Variants in ST6GALNAC3 observed in about 807,000 individuals in gnomAD.
ST6GALNAC3 encodes the protein alpha-N-acetylgalactosaminide alpha-2,6-sialyltransferase 3.
In ST6GALNAC3, 25 loss-of-function variants were observed where a neutral mutation model predicts 32.7. The observed-to-expected ratio is 0.76, with a 90% CI of 0.56 to 1.07. The LOEUF is 1.07. ST6GALNAC3 is among the 50% of genes least tolerant of loss of function. ST6GALNAC3 has a pLI of 0.00. For synonymous variants in ST6GALNAC3, 129 were observed against 133.1 expected (o/e 0.97, Z 0.21); for missense variants, 355 against 382.4 (o/e 0.93, Z 0.60).
intron 1 of ST6GALNAC3, among the ~76,000 whole-genome samples, chr1:76,088,539 C>T (rs1011735046): frequency 1.3e-5 from 2 of 152,102 alleles, no homozygotes; most frequent in African/African-American, 4.8e-5. Flanking sequence ...GGTGTTGAGC[C>T]TAAGTCCATC....
chr1:76,525,791 G>GTGTGTA (rs1438917629), intron 3 of ST6GALNAC3, among the ~76,000 whole-genome samples: 51 of 75,570 alleles, frequency 6.7e-4, no homozygotes, highest in East Asian at 3.4e-3. Context: ...GTGTGTGTGT[G>GTGTGTA]TATATATATA....
chr1:76,443,760 A>G (rs1429887776), intron 3 of ST6GALNAC3, among the ~76,000 whole-genome samples: 3 of 152,232 alleles, frequency 2.0e-5, no homozygotes, highest in Non-Finnish European at 2.9e-5. Context: ...AAATAATTTT[A>G]AAATTAAGAT....
chr1:76,183,002 T>G (rs1653288296), intron 1 of ST6GALNAC3, among the ~76,000 whole-genome samples: 1 of 152,144 alleles, frequency 6.6e-6, no homozygotes, highest in South Asian at 2.1e-4. Flanking sequence ...TGGCTAGACA[T>G]TAGGACTATT....
chr1:76,392,266 A>T (rs1346895007), intron 2 of ST6GALNAC3, among the ~76,000 whole-genome samples: 1 of 152,168 alleles, frequency 6.6e-6, no homozygotes, highest in Admixed American at 6.5e-5. Flanking sequence ...AAGTAGAGAA[A>T]TTTTTTTAAA....
chr1:76,397,562 T>C (rs1244124599), intron 2 of ST6GALNAC3, among the ~76,000 whole-genome samples: 2 of 151,300 alleles, frequency 1.3e-5, no homozygotes, highest in Non-Finnish European at 2.9e-5. Context: ...TTAGCAGAGA[T>C]GGGGTTTCAC....
chr1:76,077,055 T>C (rs1385380067), intron 1 of ST6GALNAC3, among the ~76,000 whole-genome samples: 1 of 152,204 alleles, frequency 6.6e-6, no homozygotes, highest in Non-Finnish European at 1.5e-5. Context: ...GGATCTTTTT[T>C]CTTTGTTGTC....
At chr1:76,233,728 GTATT>G (rs973878341) in intron 1 of ST6GALNAC3, among the ~76,000 whole-genome samples, 7 of 152,064 alleles carry the variant, frequency 4.6e-5, no homozygotes, top group African/African-American at 1.7e-4. Context: ...ACTTATCTAT[GTATT>G]TATGTTTATT....
intron 1 of ST6GALNAC3, among the ~76,000 whole-genome samples, chr1:76,293,471 T>C (rs1420346855): frequency 6.6e-6 from 1 of 152,206 alleles, no homozygotes; most frequent in African/African-American, 2.4e-5. Context: ...GTCCTCTCTA[T>C]TGATACTATA....
intron 3 of ST6GALNAC3, among the ~76,000 whole-genome samples, chr1:76,463,327 A>G (rs1393123358): frequency 6.6e-6 from 1 of 152,156 alleles, no homozygotes; most frequent in Non-Finnish European, 1.5e-5. Flanking sequence ...TTCAACTTCA[A>G]CTTGCTGTGA....
intron 3 of ST6GALNAC3, among the ~76,000 whole-genome samples, chr1:76,486,760 C>T (rs1255915571): frequency 1.3e-5 from 2 of 152,058 alleles, no homozygotes; most frequent in Admixed American, 1.3e-4. Context: ...GAATTTGATC[C>T]TGTCATTATG....
chr1:76,399,609 G>A (rs1156249287), intron 2 of ST6GALNAC3, among the ~76,000 whole-genome samples: 2 of 152,164 alleles, frequency 1.3e-5, no homozygotes, highest in Non-Finnish European at 2.9e-5. Context: ...TTCCATGGAA[G>A]AAATCTTGTG....
At chr1:76,126,424 TTTCCTTCC>T (rs770778690) in intron 1 of ST6GALNAC3, among the ~76,000 whole-genome samples, 7 of 73,410 alleles carry the variant, frequency 9.5e-5, no homozygotes, top group East Asian at 8.3e-4. Flanking sequence ...CCCTCCTGCC[TTTCCTTCC>T]TTCCTTCCTT....
chr1:76,478,388 T>C (rs1302354313), intron 3 of ST6GALNAC3, among the ~76,000 whole-genome samples: 1 of 152,220 alleles, frequency 6.6e-6, no homozygotes, highest in African/African-American at 2.4e-5. Flanking sequence ...CATATCCTTT[T>C]GTTTTCTGGA....
chr1:76,471,677 A>T (rs1271524453), intron 3 of ST6GALNAC3, among the ~76,000 whole-genome samples: 4 of 152,132 alleles, frequency 2.6e-5, no homozygotes, highest in Non-Finnish European at 5.9e-5. Flanking sequence ...TTCAATAAAC[A>T]TTTGCTAGGC....
At chr1:76,119,300 A>G (rs1176087645) in intron 1 of ST6GALNAC3, among the ~76,000 whole-genome samples, 1 of 152,244 alleles carries the variant, frequency 6.6e-6, no homozygotes, top group Non-Finnish European at 1.5e-5. Flanking sequence ...GTGAAATTTC[A>G]CACTAGAACA....
intron 3 of ST6GALNAC3, among the ~76,000 whole-genome samples, chr1:76,492,374 TAAAA>T (rs1389015190): frequency 1.3e-5 from 2 of 151,204 alleles, no homozygotes; most frequent in Non-Finnish European, 2.9e-5. Context: ...TAGACTGACA[TAAAA>T]AAGAAACAAA....
At chr1:76,099,329 C>T (rs1204163930) in intron 1 of ST6GALNAC3, among the ~76,000 whole-genome samples, 4 of 152,038 alleles carry the variant, frequency 2.6e-5, no homozygotes, top group Non-Finnish European at 5.9e-5. Context: ...TTTAAGACTG[C>T]ATTGAATCCT....
At chr1:76,471,261 T>C (rs1659007371) in intron 3 of ST6GALNAC3, among the ~76,000 whole-genome samples, 1 of 152,150 alleles carries the variant, frequency 6.6e-6, no homozygotes, top group Non-Finnish European at 1.5e-5. Flanking sequence ...GTTCAGATAC[T>C]GTCTTCATAA....
At chr1:76,489,015 CCTT>C (rs1358933911) in intron 3 of ST6GALNAC3, among the ~76,000 whole-genome samples, 1 of 152,174 alleles carries the variant, frequency 6.6e-6, no homozygotes, top group Admixed American at 6.5e-5. Flanking sequence ...TGCTTATCTG[CCTT>C]CTTCTTCACA....
Sources: allele counts gnomAD v4.1 joint callset (sites outside exome capture counted in the v4.1 genomes callset), GRCh38; gene constraint gnomAD v4.1.1; transcripts MANE v1.5; gene names NCBI Gene and HGNC (gene_info 2026-07-23, HGNC 2026-07-21).